The following DLGAP1 variants were observed in gnomAD, a reference collection of about 807,000 sequenced individuals.
DLGAP1 encodes the protein DLG associated protein 1, also known as disks large-associated protein 1.
Under a neutral mutation model 90.8 loss-of-function variants are expected in DLGAP1, and 11 were observed. The ratio of observed to expected loss-of-function variants is 0.12; its 90% CI spans 0.08 to 0.20. The LOEUF (loss-of-function observed/expected upper bound fraction) is 0.20, where lower values mean the gene tolerates loss of function less well. DLGAP1 is among the 10% of genes least tolerant of loss of function. DLGAP1 has a pLI of 1.00. For synonymous variants in DLGAP1, 558 were observed against 540.7 expected, an observed-to-expected ratio of 1.03 and a Z score of -0.44; for missense variants, 1,050 against 1,333.8, an observed-to-expected ratio of 0.79 and a Z score of 3.31.
chr18:3,566,406 A>G (rs1357369464), intron 9 of DLGAP1, among the ~76,000 whole-genome samples: 1 of 151,698 alleles, frequency 6.6e-6, no homozygotes, highest in Non-Finnish European at 1.5e-5. Context: ...TATATATTAC[A>G]TATACACACA....
At chr18:3,867,976 T>C (rs2070507356) in intron 4 of DLGAP1, among the ~76,000 whole-genome samples, 1 of 152,166 alleles carries the variant, frequency 6.6e-6, no homozygotes, top group South Asian at 2.1e-4. Flanking sequence ...ATTTTCGGCC[T>C]GTGGATTTGA....
intron 3 of DLGAP1, among the ~76,000 whole-genome samples, chr18:3,954,639 A>G (rs931787870): frequency 6.6e-6 from 1 of 152,220 alleles, no homozygotes; most frequent in African/African-American, 2.4e-5. Context: ...GAAACAAGTG[A>G]AGGAGCCTTT....
chr18:3,615,620 G>A (rs75689192), intron 7 of DLGAP1, among the ~76,000 whole-genome samples: 3 of 152,126 alleles, frequency 2.0e-5, no homozygotes, highest in Non-Finnish European at 4.4e-5. Flanking sequence ...GGCCAAGAAA[G>A]CTGCATTTTT....
intron 1 of DLGAP1, among the ~76,000 whole-genome samples, chr18:4,222,176 A>T (rs1054557172): frequency 1.3e-5 from 2 of 152,168 alleles, no homozygotes; most frequent in African/African-American, 2.4e-5. Context: ...CTTTCAGTCC[A>T]AACTTCTCTG....
intron 2 of DLGAP1, among the ~76,000 whole-genome samples, chr18:4,144,737 CATT>C (rs1228779201): frequency 1.3e-5 from 2 of 152,138 alleles, no homozygotes; most frequent in African/African-American, 4.8e-5. Context: ...AACACGGTAT[CATT>C]GTTTCTCTAA....
chr18:4,280,976 T>C (rs1196257298), intron 1 of DLGAP1: 1 of 152,248 alleles, frequency 6.6e-6, no homozygotes, highest in Non-Finnish European at 1.5e-5. Flanking sequence ...AATTTCTTTT[T>C]AACCCTAAAA....
chr18:3,683,372 T>C (rs567870573), intron 7 of DLGAP1, among the ~76,000 whole-genome samples: 1 of 152,292 alleles, frequency 6.6e-6, no homozygotes, highest in Non-Finnish European at 1.5e-5. Context: ...CAACAATATA[T>C]AAGCAAGAAC....
At chr18:4,209,113 G>A (rs1387278984) in intron 1 of DLGAP1, among the ~76,000 whole-genome samples, 1 of 152,148 alleles carries the variant, frequency 6.6e-6, no homozygotes, top group Non-Finnish European at 1.5e-5. Flanking sequence ...GGTGCTGAGG[G>A]TGAGGCTCAT....
intron 3 of DLGAP1, among the ~76,000 whole-genome samples, chr18:3,952,877 G>A (rs1183730241): frequency 6.6e-6 from 1 of 152,142 alleles, no homozygotes; most frequent in Non-Finnish European, 1.5e-5. Flanking sequence ...CACCCAGGAC[G>A]GATGGCTACA....
Position 3,729,415 on chromosome 18 carries a change from T to A in DLGAP1, c.1351-40A>T. 6.3e-7 allele frequency: 1 copy of A among 1,586,194 alleles called. No homozygotes were observed. ...AGGCGTTGTGACACTCGCCTCCACC[T>A]GGTGGAGGATCAACCTCTCCAAGCA... On this transcript the variant is annotated intron_variant, in intron 6 of 12. Transcript: ENST00000315677. This position sits in a 1 kb window ranked among gnomAD's most constrained non-coding sequence, Gnocchi z 6.2.
chr18:3,600,721 G>GAGATATAGATATATATAGATATATAGAT lies in DLGAP1; in HGVS notation c.1592-18501_1592-18474dup. ...AGATATCTATAGCTATATAGATATA[G>GAGATATAGATATATATAGATATATAGAT]AGATATAGATATATATAGATATATA... On this transcript the variant is annotated intron_variant, in intron 7 of 12. Transcript: ENST00000315677. 8.5e-5 allele frequency among the ~76,000 whole-genome samples: 2 copies of GAGATATAGATATATATAGATATATAGAT among 23,636 alleles called. 1 individual carries two copies. The highest frequency in any genetic ancestry group is 1.5e-3 in the East Asian group (2 of 1,306). 15.5% of individuals were successfully genotyped at this position (23,636 alleles called of 152,430 possible).
At chr18:3,842,420 G>A (rs767160299) in intron 4 of DLGAP1, among the ~76,000 whole-genome samples, 1 of 152,126 alleles carries the variant, frequency 6.6e-6, no homozygotes, top group Non-Finnish European at 1.5e-5. Flanking sequence ...ATTTTAGAAA[G>A]ATCATTTGGG....
intron 2 of DLGAP1, among the ~76,000 whole-genome samples, chr18:4,031,230 G>A (rs980554454): frequency 6.6e-6 from 1 of 151,812 alleles, no homozygotes; most frequent in African/African-American, 2.4e-5. Context: ...GAAGATATAC[G>A]AAATTATGTG....
At chr18:3,527,361 C>T (rs1473636761) in intron 10 of DLGAP1, among the ~76,000 whole-genome samples, 1 of 148,126 alleles carries the variant, frequency 6.8e-6, no homozygotes, top group East Asian at 2.0e-4. Context: ...ACCCCACATG[C>T]AATATCTGAA....
chr18:4,354,127 C>T (rs971843117), intron 1 of DLGAP1, among the ~76,000 whole-genome samples: 1 of 152,160 alleles, frequency 6.6e-6, no homozygotes. Flanking sequence ...CCTGAAGGGG[C>T]CTCAAAAGCA....
At position 3,565,425 on chromosome 18, in the gene DLGAP1, CA is replaced by C. The variant is rs374597837; in HGVS notation, c.2057+2064del. Among the ~76,000 whole-genome samples the C allele has an allele frequency of 5.6e-3, 849 of 151,656 alleles. 9 individuals carry two copies. The highest frequency in any genetic ancestry group is 0.042 in the South Asian group (197 of 4,720). Reference sequence around the variant, plus strand: ...TCGGCCTCCCAGACTGCTGGGATTACAGGCGTGAGCCATTGCCCATGTCCAG... The same window carrying C: ...TCGGCCTCCCAGACTGCTGGGATTACGGCGTGAGCCATTGCCCATGTCCAG... On this transcript the variant is annotated intron_variant, in intron 9 of 12. Coordinates refer to ENST00000315677, the MANE Select transcript of DLGAP1 (RefSeq NM_004746.4). The surrounding 1 kb of genome is among the most constrained non-coding windows in gnomAD (Gnocchi z 4.0).
intron 3 of DLGAP1, among the ~76,000 whole-genome samples, chr18:3,911,829 T>C (rs2072040944): frequency 6.6e-6 from 1 of 152,250 alleles, no homozygotes. Context: ...ACTTAGCTGC[T>C]ATAGGCTCAG....
intron 1 of DLGAP1, among the ~76,000 whole-genome samples, chr18:4,228,002 G>GA (rs2078227382): frequency 6.6e-6 from 1 of 151,366 alleles, no homozygotes; most frequent in Non-Finnish European, 1.5e-5. Context: ...AATAAAATTA[G>GA]AAATGGAAAA....
chr18:3,880,199 C>G (rs2071119056), intron 3 of DLGAP1, 59 bp from the exon 4 acceptor site: 1 of 822,468 alleles, frequency 1.2e-6, no homozygotes, highest in Non-Finnish European at 1.9e-6. Flanking sequence ...TTAGGTATTG[C>G]ACTTTACAGG....
Sources: allele counts gnomAD v4.1 joint callset (sites outside exome capture counted in the v4.1 genomes callset), GRCh38; gene constraint gnomAD v4.1.1; non-coding constraint Gnocchi (gnomAD v3.1); transcripts MANE v1.5; gene names NCBI Gene and HGNC (gene_info 2026-07-23, HGNC 2026-07-21).